Variants in RGS5 observed in about 807,000 individuals in gnomAD.
RGS5 encodes the protein regulator of G-protein signalling 5.
A neutral mutation model predicts 18.9 loss-of-function variants in RGS5; 20 were observed. The observed-to-expected ratio is 1.06, with a 90% CI of 0.74 to 1.54. The LOEUF is 1.54. Ranked by LOEUF, RGS5 falls within the 40% of genes most tolerant of loss-of-function variation. The probability of loss-of-function intolerance (pLI) is 0.00; values close to 1 mark genes in which losing one functional copy is unlikely to be tolerated. For missense variants in RGS5, 201 were observed against 211.8 expected (o/e 0.95, Z 0.32); for synonymous variants, 57 against 76.2 (o/e 0.75, Z 1.31).
intron 2 of RGS5, among the ~76,000 whole-genome samples, chr1:163,277,764 A>T (rs1177371412): frequency 6.6e-6 from 1 of 152,190 alleles, no homozygotes; most frequent in Non-Finnish European, 1.5e-5. Context: ...CAAATAGATA[A>T]TTCAAAGAAA....
At chr1:163,242,984 C>T (rs1484419429) in intron 2 of RGS5, among the ~76,000 whole-genome samples, 1 of 152,184 alleles carries the variant, frequency 6.6e-6, no homozygotes, top group Non-Finnish European at 1.5e-5. Context: ...AAACATTCTA[C>T]ACTCAGAAGT....
chr1:163,274,549 G>C (rs895990084), intron 2 of RGS5, among the ~76,000 whole-genome samples: 1 of 152,168 alleles, frequency 6.6e-6, no homozygotes, highest in Non-Finnish European at 1.5e-5. Flanking sequence ...TCTGTGAGCT[G>C]TTCTAGCAAA....
intron 3 of RGS5, among the ~76,000 whole-genome samples, chr1:163,154,844 AT>A (rs1188761338): frequency 6.7e-6 from 1 of 149,332 alleles, no homozygotes; most frequent in Non-Finnish European, 1.5e-5. Flanking sequence ...TTATATCTAT[AT>A]ATAATATATA....
At chr1:163,225,375 G>A (rs1424014474) in intron 2 of RGS5, among the ~76,000 whole-genome samples, 2 of 152,090 alleles carry the variant, frequency 1.3e-5, no homozygotes, top group African/African-American at 2.4e-5. Flanking sequence ...GATCTATGGG[G>A]GCTCAAAGTT....
chr1:163,210,567 A>G (rs1299290630), intron 1 of RGS5, among the ~76,000 whole-genome samples: 1 of 152,192 alleles, frequency 6.6e-6, no homozygotes, highest in East Asian at 1.9e-4. Context: ...AATTCAAACT[A>G]TAGTTCTATC....
At chr1:163,195,645 C>T (rs1234929170) in intron 1 of RGS5, among the ~76,000 whole-genome samples, 2 of 151,184 alleles carry the variant, frequency 1.3e-5, no homozygotes, top group African/African-American at 2.4e-5. Flanking sequence ...TTTTTAAATA[C>T]TGTACCATTT....
At chr1:163,242,942 C>A (rs962625246) in intron 2 of RGS5, among the ~76,000 whole-genome samples, 4 of 152,106 alleles carry the variant, frequency 2.6e-5, no homozygotes, top group South Asian at 2.1e-4. Flanking sequence ...TGCAACTCAC[C>A]GTGAGTGGTA....
intron 2 of RGS5, among the ~76,000 whole-genome samples, chr1:163,280,440 A>T (rs1439720929): frequency 1.3e-5 from 2 of 152,182 alleles, no homozygotes; most frequent in African/African-American, 4.8e-5. Flanking sequence ...ATGAAAAAAA[A>T]TTTCATAAAA....
In RGS5 at chr1:163,239,391, CAGG is replaced by C. The variant is rs551527374; in HGVS notation, c.-281+66839_-281+66841del. Among the ~76,000 whole-genome samples, 13 of 150,428 alleles carry C rather than the reference CAGG, an allele frequency of 8.6e-5. No homozygotes were observed. In the South Asian group the frequency reaches 2.5e-3, roughly 29 times the overall value. On this transcript the variant is annotated intron_variant, in intron 2 of 5. Transcript: ENST00000618415. ...GTCCTAGCTGCTCAGGAGGCTGAGG[CAGG>C]AGAATTTCTAGAACCTGGGAGGCGG...
intron 2 of RGS5, among the ~76,000 whole-genome samples, chr1:163,291,131 TAA>T (rs147710607): frequency 0.43 from 62,074 of 146,042 alleles, 13,238 homozygotes; most frequent in South Asian, 0.51. Flanking sequence ...GCCCACTTAT[TAA>T]AAAAAAAAAA....
intron 2 of RGS5, among the ~76,000 whole-genome samples, chr1:163,260,817 G>A (rs1648414677): frequency 6.6e-6 from 1 of 152,090 alleles, no homozygotes; most frequent in East Asian, 1.9e-4. Context: ...TGAGCTCCAT[G>A]AGATCAAGAA....
intron 2 of RGS5, among the ~76,000 whole-genome samples, chr1:163,232,571 T>C (rs889064205): frequency 6.6e-6 from 1 of 152,130 alleles, no homozygotes; most frequent in Non-Finnish European, 1.5e-5. Context: ...AAGTAACAGG[T>C]AGAAATGAAT....
At chr1:163,266,435 A>C (rs941652133) in intron 2 of RGS5, 1 of 152,110 alleles carries the variant, frequency 6.6e-6, no homozygotes, top group African/African-American at 2.4e-5. Flanking sequence ...TGATGTTTCT[A>C]AAACACCATG....
At chr1:163,207,195 T>A (rs187426722), upstream of RGS5, among the ~76,000 whole-genome samples, 1 of 152,230 alleles carries the variant, frequency 6.6e-6, no homozygotes, top group African/African-American at 2.4e-5. Flanking sequence ...AAGTGTAAAG[T>A]CTATACCTCC....
At chr1:163,227,049 G>A (rs184472296) in intron 2 of RGS5, among the ~76,000 whole-genome samples, 2 of 152,162 alleles carry the variant, frequency 1.3e-5, no homozygotes, top group African/African-American at 2.4e-5. Context: ...TCTTTCACTT[G>A]AGTTAATGAT....
chr1:163,265,665 A>C (rs1476868522), intron 2 of RGS5, among the ~76,000 whole-genome samples: 1 of 152,106 alleles, frequency 6.6e-6, no homozygotes, highest in Non-Finnish European at 1.5e-5. Flanking sequence ...ATCACTCTTC[A>C]GGGTTCTGTT....
rs1056178003 is a variant in RGS5 at position 163,144,031 on chromosome 1, C to G, written c.*3311G>C. The G allele has an allele frequency of 3.3e-5, 5 of 152,210 alleles. No individual in the cohort carries two copies. Among genetic ancestry groups the G allele is most frequent in the African/African-American group, 7.2e-5 (3 of 41,544 alleles). 9.4% of individuals were successfully genotyped at this position (152,210 alleles called of 1,614,324 possible). A position where few individuals can be genotyped will look rare whatever the true frequency, so the allele number is the denominator to read the frequency against. ...AAAATAATTTATTTCACCAAGTTCT[C>G]CTTGGCACTGAATTCTACTTAAAGC... On this transcript the variant is annotated 3_prime_UTR_variant, in exon 5 of 5. Transcript: ENST00000313961.
At chr1:163,178,383 G>A (rs1488579336) in intron 1 of RGS5, among the ~76,000 whole-genome samples, 4 of 151,950 alleles carry the variant, frequency 2.6e-5, no homozygotes. Flanking sequence ...GGAAAAGAGA[G>A]AATCCCTGAG....
At position 163,144,357 on chromosome 1, in the gene RGS5, T is replaced by G. The variant is rs767038405; in HGVS notation, c.*2985A>C. 1.3e-5 allele frequency: 2 copies of G among 152,160 alleles called. No homozygotes were observed. Among genetic ancestry groups the G allele is most frequent in the Non-Finnish European group, 2.9e-5 (2 of 68,022 alleles). The allele number at this position is 152,160 out of a possible 1,614,324, so 9.4% of individuals were successfully genotyped here. ...GTCTGTCTCTTTGTCCTGATGTAAT[T>G]TAGATCTTAATCTAACCCCAACCCT... is the stretch of plus-strand genomic sequence containing the variant. On this transcript the variant is annotated 3_prime_UTR_variant, in exon 5 of 5. Transcript: ENST00000313961.
Sources: allele counts gnomAD v4.1 joint callset (sites outside exome capture counted in the v4.1 genomes callset), GRCh38; gene constraint gnomAD v4.1.1; transcripts MANE v1.5; gene names NCBI Gene and HGNC (gene_info 2026-07-23, HGNC 2026-07-21).